The following TYW1 variants were observed in gnomAD, a reference collection of about 807,000 sequenced individuals.
TYW1 encodes the protein S-adenosyl-L-methionine-dependent tRNA 4-demethylwyosine synthase TYW1.
TYW1 carries 46 observed loss-of-function variants against 96.2 expected under a neutral mutation model. The ratio of observed to expected loss-of-function variants is 0.48; its 90% CI spans 0.38 to 0.61. TYW1 has a LOEUF of 0.61. TYW1 is among the 20% of genes least tolerant of loss of function. TYW1 has a pLI of 0.00. For missense variants in TYW1, 684 were observed against 909.6 expected (o/e 0.75, Z 3.19); for synonymous variants, 274 against 323.0 (o/e 0.85, Z 1.63).
intron 15 of TYW1, among the ~76,000 whole-genome samples, chr7:67,218,085 C>G (rs1801260130): frequency 6.6e-6 from 1 of 151,652 alleles, no homozygotes; most frequent in African/African-American, 2.4e-5. Context: ...TCTCGAACTC[C>G]TGACCTTAGG....
At chr7:67,008,398 G>C (rs975061793) in intron 3 of TYW1, among the ~76,000 whole-genome samples, 8 of 152,180 alleles carry the variant, frequency 5.3e-5, no homozygotes, top group Non-Finnish European at 1.2e-4. Flanking sequence ...GTTGGGGCTG[G>C]GGTAGGAGGT....
chr7:67,025,890 C>T (rs1050416072), intron 7 of TYW1, among the ~76,000 whole-genome samples: 1 of 151,022 alleles, frequency 6.6e-6, no homozygotes, highest in African/African-American at 2.4e-5. Context: ...CTAGAAAATC[C>T]AAGAAAATCA....
At chr7:67,032,999 C>T (rs1011689849) in intron 7 of TYW1, among the ~76,000 whole-genome samples, 20 of 144,372 alleles carry the variant, frequency 1.4e-4, no homozygotes, top group Admixed American at 4.5e-4. Flanking sequence ...CAGGTTCAAG[C>T]GATTGTCCTG....
chr7:67,078,625 G>A (rs1796283490), intron 10 of TYW1, among the ~76,000 whole-genome samples: 1 of 152,070 alleles, frequency 6.6e-6, no homozygotes, highest in Non-Finnish European at 1.5e-5. Context: ...TGGAGATGGG[G>A]TATCTTTCCA....
intron 7 of TYW1, among the ~76,000 whole-genome samples, chr7:67,030,463 C>T (rs1794634772): frequency 3.3e-5 from 5 of 152,020 alleles, no homozygotes; most frequent in Admixed American, 3.3e-4. Flanking sequence ...AACCCCATCT[C>T]TATTAAAAAA....
chr7:67,105,923 G>A (rs1797225732), intron 12 of TYW1, among the ~76,000 whole-genome samples: 1 of 116,966 alleles, frequency 8.5e-6, no homozygotes, highest in African/African-American at 3.2e-5. Flanking sequence ...AGATGGAGGA[G>A]TTTCGCTCTT....
chr7:67,192,925 C>T (rs1364522605), intron 14 of TYW1, among the ~76,000 whole-genome samples: 3 of 152,130 alleles, frequency 2.0e-5, no homozygotes, highest in Non-Finnish European at 2.9e-5. Context: ...GGAAAGTCCT[C>T]GGACACGCGC....
chr7:67,141,760 G>C (rs573836311), intron 13 of TYW1, among the ~76,000 whole-genome samples: 171 of 152,348 alleles, frequency 1.1e-3, no homozygotes, highest in Non-Finnish European at 2.3e-3. Flanking sequence ...ATGAGGCCAG[G>C]CATGGTGGCT....
chr7:67,036,768 A>G (rs2129253527), intron 7 of TYW1, among the ~76,000 whole-genome samples: 1 of 152,396 alleles, frequency 6.6e-6, no homozygotes, highest in East Asian at 1.9e-4. Context: ...GCGGAAAAGG[A>G]AGACATGAGA....
chr7:67,088,664 A>G (rs890100834), intron 11 of TYW1, among the ~76,000 whole-genome samples: 4 of 152,206 alleles, frequency 2.6e-5, no homozygotes, highest in African/African-American at 9.7e-5. Flanking sequence ...CCTGGGCTCA[A>G]GCAGTCCTCC....
intron 13 of TYW1, among the ~76,000 whole-genome samples, chr7:67,144,568 T>C (rs1798546321): frequency 6.6e-6 from 1 of 152,150 alleles, no homozygotes; most frequent in Non-Finnish European, 1.5e-5. Context: ...ACCTCCCGAC[T>C]CAAGCAATCC....
intron 14 of TYW1, among the ~76,000 whole-genome samples, chr7:67,194,442 T>C (rs1040758695): frequency 6.6e-6 from 1 of 151,810 alleles, no homozygotes; most frequent in Non-Finnish European, 1.5e-5. Flanking sequence ...CTGGTCAACA[T>C]GGCGAAACCC....
At chr7:67,094,684 G>A (rs1584552848) in intron 11 of TYW1, among the ~76,000 whole-genome samples, 1 of 148,430 alleles carries the variant, frequency 6.7e-6, no homozygotes, top group African/African-American at 2.5e-5. Flanking sequence ...GTGTGTGTGT[G>A]TGTGTGTCAA....
chr7:67,001,364 A>G (rs1359070885), intron 3 of TYW1, among the ~76,000 whole-genome samples: 1 of 151,906 alleles, frequency 6.6e-6, no homozygotes. Context: ...GCCATCTTCC[A>G]TCTTAAAGCT....
rs917414004 is a variant in TYW1 at position 67,216,902 on chromosome 7, A to T, written c.1978-21406A>T. On this transcript the variant is annotated intron_variant, in intron 15 of 15. Coordinates refer to ENST00000359626, the MANE Select transcript of TYW1 (RefSeq NM_018264.4). ...TTTTCATTATTTTGATTTGAATTTT[A>T]TTGCATTTTATTCATATGTAGTGGT... Among the ~76,000 whole-genome samples, 8 of 151,260 alleles carry T rather than the reference A, an allele frequency of 5.3e-5. No homozygotes were observed. In the East Asian group the frequency reaches 1.4e-3, roughly 26 times the overall value.
intron 13 of TYW1, among the ~76,000 whole-genome samples, chr7:67,139,819 T>TA (rs1173153472): frequency 2.0e-5 from 3 of 151,294 alleles, no homozygotes; most frequent in African/African-American, 7.3e-5. Context: ...TCACCATATT[T>TA]AAAAAAGATT....
chr7:67,143,914 G>A lies in TYW1; in HGVS notation c.1698+26296G>A, dbSNP rs1005616376. ...TTAGCTAATTTTTTGACTTAAAACCGGTTGAACAAAAACATTTATAATAGT... is the reference window on the plus strand; with the variant it reads ...TTAGCTAATTTTTTGACTTAAAACCAGTTGAACAAAAACATTTATAATAGT... On this transcript the variant is annotated intron_variant, in intron 13 of 15. Transcript: ENST00000359626. Among the ~76,000 whole-genome samples the A allele has an allele frequency of 5.9e-5, 9 of 152,254 alleles. No individual in the cohort carries two copies. In the East Asian group the frequency reaches 7.7e-4, roughly 13 times the overall value.
chr7:67,137,097 G>A (rs931742902), intron 13 of TYW1, among the ~76,000 whole-genome samples: 14 of 151,076 alleles, frequency 9.3e-5, no homozygotes, highest in Non-Finnish European at 1.8e-4. Flanking sequence ...ACAGGTGTGA[G>A]CCACCGCGCC....
At chr7:67,032,121 G>A (rs1460621380) in intron 7 of TYW1, among the ~76,000 whole-genome samples, 3 of 151,980 alleles carry the variant, frequency 2.0e-5, no homozygotes, top group African/African-American at 7.2e-5. Flanking sequence ...AAATCCAAAA[G>A]CATTTTGTAA....
Sources: gnomAD v4.1 joint callset for allele counts (sites outside exome capture counted in the v4.1 genomes callset) on GRCh38, gnomAD v4.1.1 for gene constraint, MANE v1.5 for transcripts, NCBI Gene and HGNC (gene_info 2026-07-23, HGNC 2026-07-21) for gene names.